AVEN: variants seen among roughly 807,000 people sequenced by gnomAD.
AVEN encodes apoptosis and caspase activation inhibitor.
AVEN carries 41 observed loss-of-function variants against 38.1 expected under a neutral mutation model. That is an observed-to-expected ratio of 1.08 (90% confidence interval 0.84 to 1.40). The LOEUF (loss-of-function observed/expected upper bound fraction) is 1.40. Ranked by LOEUF, AVEN falls within the 40% of genes most tolerant of loss-of-function variation. The pLI, the probability that AVEN is intolerant of heterozygous loss-of-function variation, is 0.00. For synonymous variants in AVEN, 206 were observed against 171.8 expected (o/e 1.20, Z -1.56); for missense variants, 605 against 438.8 (o/e 1.38, Z -3.38).
At chr15:33,895,827 C>T (rs1323823134) in intron 2 of AVEN, among the ~76,000 whole-genome samples, 1 of 152,150 alleles carries the variant, frequency 6.6e-6, no homozygotes, top group African/African-American at 2.4e-5. Flanking sequence ...AACTGCCCTC[C>T]ACTAATTTTA....
intron 2 of AVEN, among the ~76,000 whole-genome samples, chr15:33,893,312 A>G (rs1252906872): frequency 6.6e-6 from 1 of 152,220 alleles, no homozygotes; most frequent in East Asian, 1.9e-4. Context: ...TTCAAAGGGA[A>G]TGCTTCCAGT....
At chr15:33,997,743 A>G (rs915595727) in intron 2 of AVEN, among the ~76,000 whole-genome samples, 1 of 152,008 alleles carries the variant, frequency 6.6e-6, no homozygotes, top group African/African-American at 2.4e-5. Context: ...AATCATTCTA[A>G]TCATCTCCTT....
chr15:33,986,208 G>A (rs1473268810), intron 2 of AVEN, among the ~76,000 whole-genome samples: 1 of 151,804 alleles, frequency 6.6e-6, no homozygotes, highest in Non-Finnish European at 1.5e-5. Flanking sequence ...CCGGGTTCAC[G>A]CCATTCTCCT....
chr15:33,936,868 A>C (rs969916597), intron 2 of AVEN, among the ~76,000 whole-genome samples: 2 of 152,260 alleles, frequency 1.3e-5, no homozygotes, highest in Non-Finnish European at 2.9e-5. Flanking sequence ...GCAGTGGCTC[A>C]CGCCTGTAAT....
At chr15:34,053,873 T>C (rs563906354) in intron 5 of AVEN, among the ~76,000 whole-genome samples, 51 of 152,098 alleles carry the variant, frequency 3.4e-4, no homozygotes, top group African/African-American at 1.2e-3. Flanking sequence ...AAAGAAACTA[T>C]CATCAGAGTG....
exon 3 of AVEN, chr15:34,066,680 T>C (rs1900519018): frequency 6.6e-6 from 1 of 152,162 alleles, no homozygotes; most frequent in African/African-American, 2.4e-5. Context: ...CAGGGCATCG[T>C]AGTGTGTGCC....
intron 2 of AVEN, among the ~76,000 whole-genome samples, chr15:33,879,130 T>C (rs764124814): frequency 1.3e-4 from 20 of 151,870 alleles, no homozygotes; most frequent in Non-Finnish European, 2.4e-4. Context: ...CTATTCACAA[T>C]AGCAAAGACT....
chr15:33,968,099 TAAAA>T (rs71119906), intron 2 of AVEN, among the ~76,000 whole-genome samples: 14 of 25,850 alleles, frequency 5.4e-4, no homozygotes, highest in African/African-American at 1.1e-3. Flanking sequence ...TAGCAAAGCT[TAAAA>T]AAAAAAAAAA....
intron 2 of AVEN, among the ~76,000 whole-genome samples, chr15:33,983,154 G>GTA (rs1555512743): frequency 5.7e-4 from 64 of 111,754 alleles, no homozygotes; most frequent in Admixed American, 1.6e-3. Flanking sequence ...GTGTGTGTGT[G>GTA]TGTGTATGTG....
chr15:34,022,197 A>G (rs1316647512), intron 1 of AVEN, among the ~76,000 whole-genome samples: 1 of 152,228 alleles, frequency 6.6e-6, no homozygotes, highest in Non-Finnish European at 1.5e-5. Flanking sequence ...GAATGGCATC[A>G]TGGCCCCATG....
chr15:33,924,310 C>A (rs1042987202), intron 2 of AVEN, among the ~76,000 whole-genome samples: 4 of 150,310 alleles, frequency 2.7e-5, no homozygotes, highest in Admixed American at 6.7e-5. Context: ...GTGGAGGTTG[C>A]AGTGAGCCGA....
At chr15:33,963,374 G>A (rs759717958) in intron 2 of AVEN, among the ~76,000 whole-genome samples, 5 of 152,152 alleles carry the variant, frequency 3.3e-5, no homozygotes, top group Non-Finnish European at 7.4e-5. Flanking sequence ...AAGCAAAATG[G>A]AAATGGAAGG....
At chr15:33,961,673 C>A (rs546687787) in intron 2 of AVEN, among the ~76,000 whole-genome samples, 4 of 151,356 alleles carry the variant, frequency 2.6e-5, no homozygotes, top group Non-Finnish European at 4.4e-5. Context: ...ATTAGCCGGG[C>A]GTGGTGGCGG....
intron 5 of AVEN, chr15:34,062,826 A>G (rs1900391085): frequency 1.2e-6 from 2 of 1,614,074 alleles, no homozygotes; most frequent in African/African-American, 1.3e-5. Flanking sequence ...TGCAGCTGTG[A>G]CTGCTGTGGT....
At chr15:34,049,586 T>C (rs999423433) in intron 5 of AVEN, among the ~76,000 whole-genome samples, 1 of 151,972 alleles carries the variant, frequency 6.6e-6, no homozygotes, top group Non-Finnish European at 1.5e-5. Context: ...ACAGGGAGAA[T>C]GGAACCGAGT....
At chr15:34,011,994 G>C (rs1327959300) in intron 1 of AVEN, among the ~76,000 whole-genome samples, 1 of 152,142 alleles carries the variant, frequency 6.6e-6, no homozygotes, top group East Asian at 1.9e-4. Context: ...AGAAAGGAAG[G>C]GGGAAATGGC....
chr15:34,032,999 T>C (rs1898933748), intron 1 of AVEN, among the ~76,000 whole-genome samples: 1 of 152,210 alleles, frequency 6.6e-6, no homozygotes, highest in Non-Finnish European at 1.5e-5. Flanking sequence ...TTTAATGAAC[T>C]GAGTGACATT....
chr15:33,883,476 A>G (rs910111816), intron 2 of AVEN, among the ~76,000 whole-genome samples: 1 of 152,166 alleles, frequency 6.6e-6, no homozygotes, highest in African/African-American at 2.4e-5. Context: ...GTGGCACTCC[A>G]TTTGGTAGGT....
chr15:33,927,378 T>A (rs548472969), intron 2 of AVEN, among the ~76,000 whole-genome samples: 1 of 151,884 alleles, frequency 6.6e-6, no homozygotes, highest in Non-Finnish European at 1.5e-5. Context: ...TGAAATGAAT[T>A]AATTACCAAT....
Sources: gnomAD v4.1 joint callset for allele counts (sites outside exome capture counted in the v4.1 genomes callset) on GRCh38, gnomAD v4.1.1 for gene constraint, MANE v1.5 for transcripts, NCBI Gene and HGNC (gene_info 2026-07-23, HGNC 2026-07-21) for gene names.